Variants in EPSTI1 observed in about 807,000 individuals in gnomAD.
The protein encoded by EPSTI1 is epithelial stromal interaction 1.
EPSTI1 carries 66 observed loss-of-function variants against 49.9 expected under a neutral mutation model. The observed-to-expected ratio is 1.32, with a 90% CI of 1.08 to 1.62. EPSTI1 has a LOEUF of 1.62. EPSTI1 is among the 40% of genes most tolerant of loss of function. The pLI is 0.00. For synonymous variants in EPSTI1, 137 were observed against 130.7 expected, an observed-to-expected ratio of 1.05 and a Z score of -0.33; for missense variants, 394 against 365.5, an observed-to-expected ratio of 1.08 and a Z score of -0.64.
intron 3 of EPSTI1, among the ~76,000 whole-genome samples, chr13:42,965,248 T>C (rs1298623477): frequency 6.6e-6 from 1 of 152,228 alleles, no homozygotes; most frequent in Non-Finnish European, 1.5e-5. Context: ...GAGAGCCAGA[T>C]GTCTAAGCAT....
rs200727388 is a variant in EPSTI1 at position 42,927,681 on chromosome 13, GA to G, written c.564-1253del. Among the ~76,000 whole-genome samples, 918 of 152,304 alleles carry G rather than the reference GA, an allele frequency of 6.0e-3. 32 individuals carry two copies. Among genetic ancestry groups the G allele is most frequent in the Admixed American group, 0.048 (736 of 15,298 alleles). On this transcript the variant is annotated intron_variant, in intron 6 of 10. Coordinates refer to ENST00000313624, the MANE Select transcript of EPSTI1 (RefSeq NM_033255.5). ...AAAAAGGTCAGAAGCTTGATCTGGG[GA>G]AGGAAGAAATAAAAGTGAAGCAACA...
intron 1 of EPSTI1, among the ~76,000 whole-genome samples, chr13:42,983,607 C>T (rs1353588886): frequency 7.0e-6 from 1 of 143,706 alleles, no homozygotes; most frequent in East Asian, 2.0e-4. Flanking sequence ...AAGACCTTAG[C>T]TAGCTGTACT....
intron 9 of EPSTI1, among the ~76,000 whole-genome samples, chr13:42,898,033 C>T (rs1256376846): frequency 6.6e-6 from 1 of 152,186 alleles, no homozygotes; most frequent in Non-Finnish European, 1.5e-5. Flanking sequence ...CCTTGACCCC[C>T]ATGCTCTGTC....
At chr13:42,920,705 T>C (rs116583785) in intron 7 of EPSTI1, among the ~76,000 whole-genome samples, 8 of 152,258 alleles carry the variant, frequency 5.3e-5, no homozygotes, top group African/African-American at 1.9e-4. Flanking sequence ...ACCAGGCATA[T>C]GTGTAAAGAC....
chr13:42,958,835 A>G (rs1305347700), intron 5 of EPSTI1, among the ~76,000 whole-genome samples: 1 of 152,192 alleles, frequency 6.6e-6, no homozygotes, highest in Admixed American at 6.5e-5. Flanking sequence ...GACCCAGCTG[A>G]GATCAAATCT....
chr13:42,940,965 A>G (rs1209476184), intron 6 of EPSTI1, among the ~76,000 whole-genome samples: 1 of 152,218 alleles, frequency 6.6e-6, no homozygotes, highest in African/African-American at 2.4e-5. Context: ...TTGTGAAATT[A>G]AGCCTTTATC....
intron 3 of EPSTI1, among the ~76,000 whole-genome samples, 173 bp downstream of exon 3, chr13:42,968,921 T>C (rs35511653): frequency 0.028 from 3,324 of 117,634 alleles, 157 homozygotes; most frequent in African/African-American, 0.11. Context: ...AAAAAAAAAA[T>C]ACACACACAC....
At chr13:42,915,148 T>C (rs1477567141) in intron 8 of EPSTI1, among the ~76,000 whole-genome samples, 1 of 152,252 alleles carries the variant, frequency 6.6e-6, no homozygotes, top group African/African-American at 2.4e-5. Flanking sequence ...AAATGTGTTG[T>C]GTTTTGTATC....
intron 10 of EPSTI1, among the ~76,000 whole-genome samples, chr13:42,891,952 C>G (rs1397769747): frequency 6.6e-6 from 1 of 152,156 alleles, no homozygotes; most frequent in African/African-American, 2.4e-5. Flanking sequence ...AGAAAGGGGA[C>G]TGCAGGAGCC....
At chr13:42,917,419 A>G in intron 8 of EPSTI1, 122 bp downstream of exon 8, 3 of 895,964 alleles carry the variant, frequency 3.3e-6, no homozygotes, top group Non-Finnish European at 5.3e-6. Context: ...TTTTATTTTC[A>G]ATGCTTGTAT....
At chr13:42,932,169 G>A (rs2153423201) in intron 6 of EPSTI1, among the ~76,000 whole-genome samples, 1 of 152,140 alleles carries the variant, frequency 6.6e-6, no homozygotes, top group African/African-American at 2.4e-5. Context: ...CTGGCCTCAA[G>A]TGATCCTCCC....
chr13:42,962,732 AT>A (rs1191273378), intron 5 of EPSTI1, among the ~76,000 whole-genome samples: 1 of 152,046 alleles, frequency 6.6e-6, no homozygotes, highest in Non-Finnish European at 1.5e-5. Context: ...GTGAGCTGTG[AT>A]CACACCACTG....
chr13:42,984,472 T>A (rs1041468978), intron 1 of EPSTI1, among the ~76,000 whole-genome samples: 4 of 152,230 alleles, frequency 2.6e-5, no homozygotes, highest in Non-Finnish European at 4.4e-5. Context: ...ATGCAAATAA[T>A]GTGAGTCAAA....
intron 8 of EPSTI1, among the ~76,000 whole-genome samples, chr13:42,912,232 T>TC (rs1316457873): frequency 6.6e-6 from 1 of 152,236 alleles, no homozygotes; most frequent in African/African-American, 2.4e-5. Context: ...TAAGTCCACC[T>TC]GCTTCTGAAG....
chr13:42,992,190 C>T lies in EPSTI1; in HGVS notation c.-25G>A, dbSNP rs1047109566. 2.5e-5 allele frequency: 38 copies of T among 1,518,640 alleles called. No individual in the cohort carries two copies. The highest frequency in any genetic ancestry group is 3.2e-5 in the Non-Finnish European group (36 of 1,134,332). 94.1% of individuals were successfully genotyped at this position (1,518,640 alleles called of 1,614,324 possible). On this transcript the variant is annotated 5_prime_UTR_variant, in exon 1 of 11. Coordinates refer to ENST00000313624, the MANE Select transcript of EPSTI1 (RefSeq NM_033255.5). The stretch of plus-strand genomic sequence containing the variant: ...TGGTTCACAGCCCGCGGGTCCCGGG[C>T]CGCCGTCGCTGCGGGAGGGATGCGG...
chr13:42,963,997 C>T (rs1265823099), intron 4 of EPSTI1, 69 bp downstream of exon 4: 23 of 1,349,422 alleles, frequency 1.7e-5, no homozygotes, highest in Non-Finnish European at 2.4e-5. Context: ...TGTGTTATTT[C>T]ACAGTTACTT....
intron 6 of EPSTI1, among the ~76,000 whole-genome samples, chr13:42,949,326 A>G (rs984076664): frequency 2.0e-5 from 3 of 152,188 alleles, no homozygotes; most frequent in African/African-American, 7.2e-5. Context: ...CACGTGGCTC[A>G]CGCCTGTAAT....
intron 8 of EPSTI1, among the ~76,000 whole-genome samples, chr13:42,906,858 A>ATTTTTTTTTTTTTTTTTTTTTTTTTTTT (rs2037513926): frequency 6.6e-6 from 1 of 152,154 alleles, no homozygotes; most frequent in African/African-American, 2.4e-5. Flanking sequence ...TTAATTTTTT[A>ATTTTTTTTTTTTTTTTTTTTTTTTTTTT]ATTGACAGTT....
chr13:42,919,301 C>T, intron 7 of EPSTI1: 1 of 1,613,570 alleles, frequency 6.2e-7, no homozygotes, highest in Non-Finnish European at 8.5e-7. Context: ...TTTGCTTACC[C>T]AGCTGTGATC....
Sources: allele counts gnomAD v4.1 joint callset (sites outside exome capture counted in the v4.1 genomes callset), GRCh38; gene constraint gnomAD v4.1.1; transcripts MANE v1.5; gene names NCBI Gene and HGNC (gene_info 2026-07-23, HGNC 2026-07-21).